Variants in SRFBP1 observed in about 807,000 individuals in gnomAD.
SRFBP1 encodes serum response factor-binding protein 1.
In SRFBP1, 47 loss-of-function variants were observed where a neutral mutation model predicts 45.5. That is an observed-to-expected ratio of 1.03 (90% CI 0.82 to 1.32). SRFBP1 has a LOEUF of 1.32. Ranked by LOEUF, SRFBP1 falls within the 40% of genes most tolerant of loss-of-function variation. SRFBP1 has a pLI of 0.00. For synonymous variants in SRFBP1, 203 were observed against 166.3 expected (o/e 1.22, Z -1.70); for missense variants, 621 against 484.6 (o/e 1.28, Z -2.64).
At chr5:122,068,783 G>C (rs961725521) in intron 2 of SRFBP1, among the ~76,000 whole-genome samples, 24 of 151,978 alleles carry the variant, frequency 1.6e-4, no homozygotes, top group Admixed American at 1.4e-3. Flanking sequence ...CTAGCTCAGG[G>C]CATCAACAAA....
intron 2 of SRFBP1, among the ~76,000 whole-genome samples, chr5:122,039,283 A>G (rs1389672655): frequency 6.6e-6 from 1 of 152,146 alleles, no homozygotes; most frequent in Non-Finnish European, 1.5e-5. Flanking sequence ...GATGGAAAGA[A>G]CCATGCTTCA....
Position 122,027,147 on chromosome 5 carries a change from C to T in SRFBP1, c.*21C>T. On this transcript the variant is annotated 3_prime_UTR_variant, in exon 8 of 8. Transcript: ENST00000339397. ...ATTGATTAGTGCCTCTTTCTGCAAACTTTTCCATCTAAAAAAAAAAATGTT... is the reference window on the plus strand; with the variant it reads ...ATTGATTAGTGCCTCTTTCTGCAAATTTTTCCATCTAAAAAAAAAAATGTT... 1 of 1,567,300 alleles carries T rather than the reference C, an allele frequency of 6.4e-7. No homozygotes were observed. The highest frequency in any genetic ancestry group is 8.6e-7 in the Non-Finnish European group (1 of 1,156,782).
At chr5:121,988,653 C>G (rs1752564979) in intron 3 of SRFBP1, among the ~76,000 whole-genome samples, 1 of 152,192 alleles carries the variant, frequency 6.6e-6, no homozygotes. Flanking sequence ...CTGACCTCAG[C>G]TATTCAGACT....
downstream of SRFBP1, among the ~76,000 whole-genome samples, chr5:122,032,550 C>G (rs923817463): frequency 2.0e-5 from 3 of 152,146 alleles, no homozygotes; most frequent in African/African-American, 7.2e-5. Flanking sequence ...TGAACTTTGC[C>G]TTTTTCATTT....
chr5:122,075,272 A>G (rs2083242139), intron 2 of SRFBP1: 1 of 796,898 alleles, frequency 1.3e-6, no homozygotes, highest in Non-Finnish European at 1.9e-6. Flanking sequence ...AATTACATAG[A>G]GAAAAATTCT....
intron 2 of SRFBP1, chr5:122,070,775 A>AAG (rs1754427683): frequency 2.2e-6 from 1 of 456,106 alleles, no homozygotes. Flanking sequence ...CCAGCTAAAA[A>AAG]AGATACAGGA....
intron 4 of SRFBP1, among the ~76,000 whole-genome samples, chr5:122,003,428 T>C (rs1034222187): frequency 6.6e-6 from 1 of 152,182 alleles, no homozygotes; most frequent in Non-Finnish European, 1.5e-5. Context: ...TAATGACACG[T>C]TGAACAGAAT....
downstream of SRFBP1, among the ~76,000 whole-genome samples, chr5:122,031,681 G>C (rs539010133): frequency 6.6e-5 from 10 of 152,192 alleles, no homozygotes; most frequent in East Asian, 1.7e-3. Context: ...TTGAAAACAT[G>C]TAATACTTGA....
chr5:122,068,208 T>C (rs1356983493), intron 2 of SRFBP1, among the ~76,000 whole-genome samples: 1 of 146,490 alleles, frequency 6.8e-6, no homozygotes, highest in Admixed American at 6.8e-5. Context: ...TTCAACTCTA[T>C]ATGAGTGACC....
intron 2 of SRFBP1, among the ~76,000 whole-genome samples, chr5:122,034,090 C>G (rs1278419501): frequency 2.0e-5 from 3 of 152,218 alleles, no homozygotes; most frequent in African/African-American, 7.2e-5. Flanking sequence ...TCCCATGGTG[C>G]TGGGATTAAA....
At chr5:122,073,007 G>A (rs1297137804) in intron 2 of SRFBP1, among the ~76,000 whole-genome samples, 1 of 152,124 alleles carries the variant, frequency 6.6e-6, no homozygotes, top group Non-Finnish European at 1.5e-5. Flanking sequence ...ACTGTCCTGG[G>A]GCATGTAGAA....
At chr5:122,034,014 G>A (rs1037494043) in intron 2 of SRFBP1, among the ~76,000 whole-genome samples, 17 of 151,100 alleles carry the variant, frequency 1.1e-4, no homozygotes, top group Admixed American at 6.6e-4. Flanking sequence ...AGTAGAGATG[G>A]TGTTTTGCCA....
intron 3 of SRFBP1, among the ~76,000 whole-genome samples, chr5:121,981,002 C>T (rs934930341): frequency 2.0e-5 from 3 of 152,122 alleles, no homozygotes; most frequent in Non-Finnish European, 2.9e-5. Context: ...GAAATGATAA[C>T]TACTTGTGCT....
At chr5:122,077,743 G>C (rs891932826), downstream of SRFBP1, 2 of 1,568,448 alleles carry the variant, frequency 1.3e-6, no homozygotes, top group Middle Eastern at 3.4e-4. This position sits in a 1 kb window ranked among gnomAD's most constrained non-coding sequence, Gnocchi z 4.9. Flanking sequence ...GGGCGGAGGC[G>C]TTGGCTGCAC....
intron 3 of SRFBP1, among the ~76,000 whole-genome samples, chr5:121,989,841 C>G (rs1752586813): frequency 6.6e-6 from 1 of 152,160 alleles, no homozygotes; most frequent in Admixed American, 6.5e-5. Flanking sequence ...AGTAAGTACT[C>G]TTCTTTGGAA....
At chr5:122,072,780 T>C (rs1163143002) in intron 2 of SRFBP1, among the ~76,000 whole-genome samples, 2 of 152,144 alleles carry the variant, frequency 1.3e-5, no homozygotes, top group Admixed American at 6.5e-5. Flanking sequence ...TGAAATGGGG[T>C]CACCCCAAAG....
intron 2 of SRFBP1, among the ~76,000 whole-genome samples, chr5:122,075,104 T>C (rs2152590123): frequency 6.6e-6 from 1 of 152,318 alleles, no homozygotes; most frequent in East Asian, 1.9e-4. Context: ...TTAGATGATC[T>C]TGGCTGTAAT....
intron 4 of SRFBP1, among the ~76,000 whole-genome samples, chr5:122,017,935 G>A (rs972406603): frequency 2.0e-5 from 3 of 152,166 alleles, no homozygotes; most frequent in African/African-American, 7.2e-5. Context: ...ACTATTCTAG[G>A]CACTGAATCT....
chr5:121,980,925 T>A (rs1410109472), intron 3 of SRFBP1, among the ~76,000 whole-genome samples: 1 of 152,148 alleles, frequency 6.6e-6, no homozygotes, highest in Non-Finnish European at 1.5e-5. Flanking sequence ...ATTCATTCTT[T>A]CAGGGGTAGC....
Sources: allele counts gnomAD v4.1 joint callset (sites outside exome capture counted in the v4.1 genomes callset), GRCh38; gene constraint gnomAD v4.1.1; non-coding constraint Gnocchi (gnomAD v3.1); transcripts MANE v1.5; gene names NCBI Gene and HGNC (gene_info 2026-07-23, HGNC 2026-07-21).